Variants in INTS6 observed in about 807,000 individuals in gnomAD.
INTS6 encodes the protein DEAD box protein.
In INTS6, 16 loss-of-function variants were observed where a neutral mutation model predicts 104.9. That is an observed-to-expected ratio of 0.15 (90% CI 0.10 to 0.23). The LOEUF (loss-of-function observed/expected upper bound fraction) is 0.23, where lower values mean the gene tolerates loss of function less well. INTS6 is among the 10% of genes least tolerant of loss of function. The probability of loss-of-function intolerance (pLI) is 1.00; values close to 1 mark genes in which losing one functional copy is unlikely to be tolerated. For missense variants in INTS6, 584 were observed against 1,062.8 expected (o/e 0.55, Z 6.26); for synonymous variants, 324 against 358.7 (o/e 0.90, Z 1.09).
chr13:51,434,269 C>T (rs752996596), intron 3 of INTS6, among the ~76,000 whole-genome samples: 23 of 152,080 alleles, frequency 1.5e-4, no homozygotes, highest in Non-Finnish European at 2.6e-4. Flanking sequence ...GTGTATCTTC[C>T]CCCAACACAC....
chr13:51,398,160 T>G (rs979078997), intron 4 of INTS6, among the ~76,000 whole-genome samples: 1 of 151,770 alleles, frequency 6.6e-6, no homozygotes, highest in African/African-American at 2.4e-5. Flanking sequence ...GGCAGGCAAA[T>G]AGAAACAGGA....
In INTS6 at chr13:51,417,595, C is replaced by G. The variant is rs142259574; in HGVS notation, c.429+12699G>C. On this transcript the variant is annotated intron_variant, in intron 4 of 17. Coordinates refer to ENST00000311234, the MANE Select transcript of INTS6 (RefSeq NM_012141.3). ...TCAGCCTCCCGAGTAGCTGGGATTA[C>G]AAGCGCATGCCACCACACCCGGCTA... Among the ~76,000 whole-genome samples the G allele has an allele frequency of 1.0e-3, 152 of 151,754 alleles. 3 individuals are homozygous for G. The highest frequency in any genetic ancestry group is 2.8e-4 in the Non-Finnish European group (19 of 67,962).
rs930367290 is a variant in INTS6, at chr13:51,436,335, T to C, written c.340-5952A>G. The C allele has an allele frequency of 2.0e-5, 3 of 152,278 alleles. No individual in the cohort carries two copies. The East Asian group carries it at 5.8e-4, about 29-fold the overall frequency. 9.4% of individuals were successfully genotyped at this position (152,278 alleles called of 1,614,324 possible). Reference sequence around the variant, plus strand: ...TATAAAAATCTGGTAACAGAATACATTAAGGTCTACAGCTACAGAAAACAT... The same window carrying C: ...TATAAAAATCTGGTAACAGAATACACTAAGGTCTACAGCTACAGAAAACAT... On this transcript the variant is annotated intron_variant, in intron 3 of 17. Transcript: ENST00000311234.
Position 51,452,281 on chromosome 13 carries a change from T to G in INTS6, c.111+134A>C, listed in dbSNP as rs1364239103. The G allele has an allele frequency of 3.2e-6, 3 of 936,490 alleles. No homozygotes were observed. Among genetic ancestry groups the G allele is most frequent in the South Asian group, 5.2e-5 (1 of 19,268 alleles). The allele number at this position is 936,490 out of a possible 1,614,324, so 58.0% of individuals were successfully genotyped here. A position where few individuals can be genotyped will look rare whatever the true frequency, so the allele number is the denominator to read the frequency against. On this transcript the variant is annotated intron_variant, in intron 1 of 17. Transcript: ENST00000311234. This position sits in a 1 kb window ranked among gnomAD's most constrained non-coding sequence, Gnocchi z 4.2. Reference sequence around the variant, plus strand: ...TCGCAGCGCCCGCCCGCCCGCGCGGTGGGGGAGGGGGTCCCCGAGCCCGGC... The same window carrying G: ...TCGCAGCGCCCGCCCGCCCGCGCGGGGGGGGAGGGGGTCCCCGAGCCCGGC...
rs1292448037 is a variant in INTS6, at chr13:51,430,280, T to C, written c.429+14A>G. The C allele has an allele frequency of 2.5e-6, 4 of 1,607,594 alleles. No individual in the cohort carries two copies. Among genetic ancestry groups the C allele is most frequent in the Non-Finnish European group, 2.6e-6 (3 of 1,174,902 alleles). The stretch of plus-strand genomic sequence containing the variant: ...CTGCATTTGCATAATCCATGTAATA[T>C]AAGCACAACTTACCTCATCCTGGAC... On this transcript the variant is annotated intron_variant, in intron 4 of 17. Transcript: ENST00000311234.
Position 51,364,406 on chromosome 13 carries a change from T to C in INTS6, c.*1346A>G. 1.9e-6 allele frequency: 1 copy of C among 514,436 alleles called. No homozygotes were observed. 31.9% of individuals were successfully genotyped at this position (514,436 alleles called of 1,614,324 possible). On this transcript the variant is annotated 3_prime_UTR_variant, in exon 18 of 18. Transcript: ENST00000311234. ...AAAGCTAAGGGTATGTGATTTTCAA[T>C]ATTATAAACCTAAAAATACTTCAGT...
chr13:51,396,507 G>A (rs1197860266), intron 4 of INTS6, among the ~76,000 whole-genome samples: 2 of 152,132 alleles, frequency 1.3e-5, no homozygotes, highest in Admixed American at 6.6e-5. Context: ...TGTACAAACA[G>A]AATCCACATA....
chr13:51,393,029 T>C (rs753652629), intron 5 of INTS6, among the ~76,000 whole-genome samples: 2 of 151,510 alleles, frequency 1.3e-5, no homozygotes, highest in Non-Finnish European at 2.9e-5. Flanking sequence ...AATTACTCCA[T>C]AATGGGAAAA....
chr13:51,410,365 C>T (rs886598578), intron 4 of INTS6, among the ~76,000 whole-genome samples: 2 of 152,012 alleles, frequency 1.3e-5, no homozygotes, highest in African/African-American at 4.8e-5. Context: ...GTTGTATTGC[C>T]GAAGACACAG....
In INTS6 at chr13:51,367,821, T is replaced by C. The variant is rs761073820; in HGVS notation, c.2554A>G (p.Ile852Val). ...QTRLIFLQNVIKEASRFKKRM... is the reference protein window; with the variant it reads ...QTRLIFLQNVVKEASRFKKRM... ...TTTATTTACCTTGATGCTTCTTTAA[T>C]GACATTTTGTAAAAATATTAGTCTT... is the stretch of plus-strand genomic sequence containing the variant. The change falls in exon 17 of 18, where the codon ATT (isoleucine) becomes GTT (valine). Residue 852 changes from isoleucine (I) to valine (V), a missense_variant. This residue lies in a region of INTS6 where 296 missense variants were observed against 437.0 expected (regional missense o/e 0.68). Transcript: ENST00000311234. The C allele has an allele frequency of 1.6e-5, 26 of 1,579,688 alleles. No homozygotes were observed. The highest frequency in any genetic ancestry group is 2.2e-5 in the Non-Finnish European group (25 of 1,157,502).
At chr13:51,404,103 C>CACACAGAG (rs1491389220) in intron 4 of INTS6, among the ~76,000 whole-genome samples, 1,742 of 103,798 alleles carry the variant, frequency 0.017, 59 homozygotes, top group African/African-American at 0.06. Context: ...CACACACACA[C>CACACAGAG]AGAGAGAGAG....
Position 51,448,283 on chromosome 13 carries a change from T to C in INTS6, c.339+2742A>G, listed in dbSNP as rs558300290. On this transcript the variant is annotated intron_variant, in intron 3 of 17. Transcript: ENST00000311234. The stretch of plus-strand genomic sequence containing the variant: ...ACTTATGTATCAAATTTATCTGCAA[T>C]GATATGCAACTTAAAGTACTGCTAT... 9 of 152,350 alleles carry C rather than the reference T, an allele frequency of 5.9e-5. No homozygotes were observed. The East Asian group carries it at 1.7e-3, about 29-fold the overall frequency. The allele number at this position is 152,350 out of a possible 1,614,324, so 9.4% of individuals were successfully genotyped here.
rs746074920 is a variant in INTS6 at position 51,452,575 on chromosome 13, G to T, written c.-50C>A. On this transcript the variant is annotated 5_prime_UTR_variant, in exon 1 of 18. Transcript: ENST00000311234. The surrounding 1 kb of genome is among the most constrained non-coding windows in gnomAD (Gnocchi z 4.2). The stretch of plus-strand genomic sequence containing the variant: ...CCGAGGTGGTGGAGAAAGAGGAGAT[G>T]GTAGAGGTGGAGGCGCCGGTGGCGG... The T allele has an allele frequency of 7.5e-5, 119 of 1,591,272 alleles. No individual in the cohort carries two copies. Among genetic ancestry groups the T allele is most frequent in the Non-Finnish European group, 9.0e-5 (105 of 1,167,476 alleles).
At chr13:51,379,317 T>C in intron 11 of INTS6, 145 bp downstream of exon 11, 1 of 409,854 alleles carries the variant, frequency 2.4e-6, no homozygotes, top group South Asian at 9.0e-5. Flanking sequence ...TGAGACAGAA[T>C]TATGTAATAT....
intron 12 of INTS6, among the ~76,000 whole-genome samples, chr13:51,376,496 C>T (rs1411629911): frequency 6.6e-6 from 1 of 152,024 alleles, no homozygotes; most frequent in Non-Finnish European, 1.5e-5. Flanking sequence ...TAAAAAACAG[C>T]TTTGATGTGT....
At chr13:51,361,324 T>A (rs1414559564), downstream of INTS6, 1 of 1,610,448 alleles carries the variant, frequency 6.2e-7, no homozygotes, top group Admixed American at 1.7e-5. Context: ...AGGCCAAGAT[T>A]GAAGTTTTGG....
chr13:51,338,576 T>C, the INTS6 span, among the ~76,000 whole-genome samples: 1 of 152,196 alleles, frequency 6.6e-6, no homozygotes, highest in South Asian at 2.1e-4. Flanking sequence ...GATGGATGAA[T>C]GATATGCCCT....
the INTS6 span, among the ~76,000 whole-genome samples, chr13:51,334,622 C>A: frequency 6.6e-6 from 1 of 152,066 alleles, no homozygotes; most frequent in Non-Finnish European, 1.5e-5. Context: ...AATTAATAAA[C>A]GTTTTTGAAA....
intron 17 of INTS6, among the ~76,000 whole-genome samples, chr13:51,366,958 T>G (rs1955704489): frequency 6.6e-6 from 1 of 152,026 alleles, no homozygotes. Flanking sequence ...AACTATGTTT[T>G]CCAGTTAATT....
Sources: allele counts gnomAD v4.1 joint callset (sites outside exome capture counted in the v4.1 genomes callset), GRCh38; gene constraint gnomAD v4.1.1; regional missense constraint gnomAD v4.1.1; non-coding constraint Gnocchi (gnomAD v3.1); transcripts MANE v1.5; gene names NCBI Gene and HGNC (gene_info 2026-07-23, HGNC 2026-07-21).